Variants in RNASET2 observed in about 807,000 individuals in gnomAD.
The protein encoded by RNASET2 is ribonuclease T2.
Under a neutral mutation model 33.9 loss-of-function variants are expected in RNASET2, and 28 were observed. The ratio of observed to expected loss-of-function variants is 0.83; its 90% CI spans 0.61 to 1.13. The LOEUF is 1.13. Ranked by LOEUF, RNASET2 falls within the 50% of genes most tolerant of loss-of-function variation. The probability of loss-of-function intolerance (pLI) is 0.00; values close to 1 mark genes in which losing one functional copy is unlikely to be tolerated. For synonymous variants in RNASET2, 123 were observed against 121.0 expected (o/e 1.02, Z -0.11); for missense variants, 330 against 319.9 (o/e 1.03, Z -0.24).
chr6:166,943,384 G>A (rs1423755978), intron 4 of RNASET2: 8 of 366,474 alleles, frequency 2.2e-5, no homozygotes, highest in Admixed American at 1.1e-4. Flanking sequence ...ATGAGCCGTC[G>A]AGTCATGAAA....
chr6:166,929,356 A>C lies in RNASET2; in HGVS notation c.*232T>G, dbSNP rs1014496614. ...AAGAGTTTAATAGAGAAAAAAAAAAACAATCTGTGAGCTTTATCCCAAGCA... is the reference window on the plus strand; with the variant it reads ...AAGAGTTTAATAGAGAAAAAAAAAACCAATCTGTGAGCTTTATCCCAAGCA... On this transcript the variant is annotated 3_prime_UTR_variant, in exon 9 of 9. Coordinates refer to ENST00000508775, the MANE Select transcript of RNASET2 (RefSeq NM_003730.6). 1.0e-5 allele frequency: 6 copies of C among 586,432 alleles called. No individual in the cohort carries two copies. The highest frequency in any genetic ancestry group is 9.0e-5 in the Admixed American group (3 of 33,228). 36.3% of individuals were successfully genotyped at this position (586,432 alleles called of 1,614,324 possible). A position where few individuals can be genotyped will look rare whatever the true frequency, so the allele number is the denominator to read the frequency against.
chr6:166,954,477 G>A (rs1779059006), intron 1 of RNASET2, among the ~76,000 whole-genome samples: 2 of 152,212 alleles, frequency 1.3e-5, no homozygotes, highest in Admixed American at 1.3e-4. Context: ...CTACTTTACA[G>A]ATGAGGAAAC....
intron 1 of RNASET2, among the ~76,000 whole-genome samples, chr6:166,955,029 CTATG>C (rs1779072010): frequency 8.7e-6 from 1 of 114,418 alleles, no homozygotes; most frequent in Non-Finnish European, 1.7e-5. Flanking sequence ...TCCACACCTA[CTATG>C]TAAGTAAGAA....
At chr6:166,952,798 G>T in intron 1 of RNASET2, 1 of 470,932 alleles carries the variant, frequency 2.1e-6, no homozygotes, top group Non-Finnish European at 3.9e-6. Flanking sequence ...GAGGGGAGAG[G>T]AGGGGAAGCG....
intron 2 of RNASET2, among the ~76,000 whole-genome samples, chr6:166,950,949 A>T (rs1778969819): frequency 6.6e-6 from 1 of 152,212 alleles, no homozygotes; most frequent in African/African-American, 2.4e-5. Flanking sequence ...AAATAAAGAC[A>T]CAAGACAAAG....
At chr6:166,954,882 C>T (rs1379082396) in intron 1 of RNASET2, among the ~76,000 whole-genome samples, 1 of 152,054 alleles carries the variant, frequency 6.6e-6, no homozygotes, top group Non-Finnish European at 1.5e-5. Context: ...ATCCCACCTA[C>T]TCAGAGGCTG....
intron 2 of RNASET2, among the ~76,000 whole-genome samples, chr6:166,949,850 G>A (rs1275616323): frequency 6.6e-6 from 1 of 152,188 alleles, no homozygotes; most frequent in Non-Finnish European, 1.5e-5. Context: ...CCAGAACACT[G>A]AGAACCCGAC....
intron 2 of RNASET2, among the ~76,000 whole-genome samples, chr6:166,951,947 TG>T (rs1422736071): frequency 6.6e-6 from 1 of 152,138 alleles, no homozygotes; most frequent in Non-Finnish European, 1.5e-5. Context: ...CTCCCATCTG[TG>T]AACATGACCC....
chr6:166,941,035 A>C (rs1272071086), intron 5 of RNASET2, among the ~76,000 whole-genome samples: 1 of 152,222 alleles, frequency 6.6e-6, no homozygotes, highest in Non-Finnish European at 1.5e-5. Flanking sequence ...TAGTCAGGTG[A>C]CTTGAGTGAT....
Position 166,956,255 on chromosome 6 carries a change from A to G in RNASET2, c.-73T>C. 7.3e-7 allele frequency: 1 copy of G among 1,374,528 alleles called. No individual in the cohort carries two copies. Among genetic ancestry groups the G allele is most frequent in the Admixed American group, 2.0e-5 (1 of 50,714 alleles). 85.1% of individuals were successfully genotyped at this position (1,374,528 alleles called of 1,614,324 possible). A position where few individuals can be genotyped will look rare whatever the true frequency, so the allele number is the denominator to read the frequency against. ...ACTTCCCACCTGCTGCCCGAGGAAG[A>G]CTTCCGGGAGAAACGCTGTCTCCGA... On this transcript the variant is annotated 5_prime_UTR_variant, in exon 1 of 9. Coordinates refer to ENST00000508775, the MANE Select transcript of RNASET2 (RefSeq NM_003730.6).
intron 5 of RNASET2, among the ~76,000 whole-genome samples, chr6:166,942,450 G>T (rs1036327881): frequency 2.0e-5 from 3 of 152,132 alleles, no homozygotes; most frequent in Admixed American, 2.0e-4. Context: ...GCAAGCATTG[G>T]ACTTTGTTAA....
chr6:166,951,805 A>G (rs1296998418), intron 2 of RNASET2, among the ~76,000 whole-genome samples: 5 of 152,198 alleles, frequency 3.3e-5, no homozygotes, highest in African/African-American at 1.2e-4. Flanking sequence ...ATTATACTGG[A>G]ACAGCTTATG....
In RNASET2 at chr6:166,956,507, C is replaced by T; in HGVS notation, c.-325G>A. On this transcript the variant is annotated 5_prime_UTR_variant, in exon 1 of 9. Transcript: ENST00000508775. Reference sequence around the variant, plus strand: ...CCACAGCGACCCCAGCTCCTCCACGCTGCAGCCGCCGTCCGCCCACGACCA... The same window carrying T: ...CCACAGCGACCCCAGCTCCTCCACGTTGCAGCCGCCGTCCGCCCACGACCA... The T allele has an allele frequency of 5.1e-6, 2 of 388,480 alleles. No individual in the cohort carries two copies. The highest frequency in any genetic ancestry group is 9.4e-6 in the Non-Finnish European group (2 of 212,460). 24.1% of individuals were successfully genotyped at this position (388,480 alleles called of 1,614,324 possible).
Position 166,933,734 on chromosome 6 carries a change from A to C in RNASET2, c.492+357T>G, listed in dbSNP as rs1778500892. The C allele has an allele frequency of 1.4e-5, 4 of 296,206 alleles. No homozygotes were observed. In the South Asian group the frequency reaches 2.0e-4, roughly 15 times the overall value. 18.3% of individuals were successfully genotyped at this position (296,206 alleles called of 1,614,324 possible). ...CTATAGTTTCTTTTATCATAAAACAAATCACAATTTTATCATGAAAACAAA... is the reference window on the plus strand; with the variant it reads ...CTATAGTTTCTTTTATCATAAAACACATCACAATTTTATCATGAAAACAAA... On this transcript the variant is annotated intron_variant, in intron 7 of 8. Transcript: ENST00000508775. This position sits in a 1 kb window ranked among gnomAD's most constrained non-coding sequence, Gnocchi z 4.1.
chr6:166,922,907 A>G lies in RNASET2; in HGVS notation c.*6681T>C, dbSNP rs963161217. Among the ~76,000 whole-genome samples the G allele has an allele frequency of 2.0e-5, 3 of 152,204 alleles. No individual in the cohort carries two copies. The highest frequency in any genetic ancestry group is 7.2e-5 in the African/African-American group (3 of 41,450). Reference sequence around the variant, plus strand: ...AGGTTCAATGTCTTTGCTGGTAAAAATGGGCCACTGTCACTCTGCAGACTT... The same window carrying G: ...AGGTTCAATGTCTTTGCTGGTAAAAGTGGGCCACTGTCACTCTGCAGACTT... On this transcript the variant is annotated 3_prime_UTR_variant, in exon 9 of 9. Transcript: ENST00000508775.
At position 166,929,487 on chromosome 6, in the gene RNASET2, C is replaced by T; in HGVS notation, c.*101G>A. 4.0e-6 allele frequency: 5 copies of T among 1,260,586 alleles called. No individual in the cohort carries two copies. The South Asian group carries it at 6.1e-5, about 15-fold the overall frequency. The allele number at this position is 1,260,586 out of a possible 1,614,324, so 78.1% of individuals were successfully genotyped here. A position where few individuals can be genotyped will look rare whatever the true frequency, so the allele number is the denominator to read the frequency against. On this transcript the variant is annotated 3_prime_UTR_variant, in exon 9 of 9. Transcript: ENST00000508775. ...CCAATTCACAGGCATGGAGGGGAAA[C>T]AGCAAAATAAACAGACTTCACTTTG... is the stretch of plus-strand genomic sequence containing the variant.
At chr6:166,938,846 C>T in intron 6 of RNASET2, 49 bp downstream of exon 6, 3 of 1,353,532 alleles carry the variant, frequency 2.2e-6, no homozygotes, top group Non-Finnish European at 3.2e-6. Flanking sequence ...GCTTGGGCGA[C>T]AGCAGAGATC....
In RNASET2 at chr6:166,929,541, T is replaced by A; in HGVS notation, c.*47A>T. 1 of 1,591,268 alleles carries A rather than the reference T, an allele frequency of 6.3e-7. No individual in the cohort carries two copies. The highest frequency in any genetic ancestry group is 8.6e-7 in the Non-Finnish European group (1 of 1,159,278). On this transcript the variant is annotated 3_prime_UTR_variant, in exon 9 of 9. Transcript: ENST00000508775. ...TTGTTTTTTAGAAAGCTGCAGTTTG[T>A]GAATTTCTCTTGCTTTTTAAAACAG...
In RNASET2 at chr6:166,931,088, C is replaced by G; in HGVS notation, c.523G>C (p.Val175Leu). The change falls in exon 8 of 9, where the codon GTA (valine) becomes CTA (leucine). Residue 175 changes from valine to leucine, a missense_variant. Val to Leu is a conservative substitution (Grantham distance 32). Transcript: ENST00000508775. ...VADFKDALAR[V>L]YGVIPKIQCL... ...TGGATTTTGGGTATCACTCCATATA[C>G]TCTGGCAAGGGCATCTTTAAAATCT... 5 of 1,612,336 alleles carry G rather than the reference C, an allele frequency of 3.1e-6. No homozygotes were observed. The highest frequency in any genetic ancestry group is 4.2e-6 in the Non-Finnish European group (5 of 1,178,358).
Sources: allele counts gnomAD v4.1 joint callset (sites outside exome capture counted in the v4.1 genomes callset), GRCh38; gene constraint gnomAD v4.1.1; non-coding constraint Gnocchi (gnomAD v3.1); transcripts MANE v1.5; gene names NCBI Gene and HGNC (gene_info 2026-07-23, HGNC 2026-07-21).